SMG6: variants seen among roughly 807,000 people sequenced by gnomAD.
SMG6 encodes the protein telomerase-binding protein EST1A.
A neutral mutation model predicts 142.2 loss-of-function variants in SMG6; 66 were observed. That is an observed-to-expected ratio of 0.46 (90% CI 0.38 to 0.57). The LOEUF (loss-of-function observed/expected upper bound fraction) is 0.57, where lower values mean the gene tolerates loss of function less well. Among genes scored for constraint, SMG6 ranks in the 20% least tolerant of loss-of-function variants. SMG6 has a pLI of 0.00. For missense variants in SMG6, 1,793 were observed against 1,832.0 expected (o/e 0.98, Z 0.39); for synonymous variants, 779 against 702.4 (o/e 1.11, Z -1.72).
chr17:2,183,745 GACAC>G (rs56210030), intron 12 of SMG6, among the ~76,000 whole-genome samples: 8,079 of 146,234 alleles, frequency 0.055, 249 homozygotes, highest in South Asian at 0.07. Context: ...AGGTGCGTGC[GACAC>G]ACACACACAC....
rs2071547314 is a variant in SMG6, at chr17:2,172,855, C to A, written c.3160G>T (p.Ala1054Ser). The change falls in exon 13 of 19, where the codon GCT becomes TCT. Residue 1054 changes from alanine to serine, a missense_variant. Around this residue, in one of 3 missense-constraint regions of SMG6, gnomAD observed 1,597 missense variants for 1,584.6 expected, o/e 1.01. Coordinates refer to ENST00000263073, the MANE Select transcript of SMG6 (RefSeq NM_017575.5). ...PTSLDLPSHVAVDVWSTLADF... is the reference protein window; with the variant it reads ...PTSLDLPSHVSVDVWSTLADF... ...GCCAGCGTCGACCATACATCCACAG[C>A]AACACTGTGAGAAATAAGGTAAGAA... 3 of 1,613,912 alleles carry A rather than the reference C, an allele frequency of 1.9e-6. No homozygotes were observed. The highest frequency in any genetic ancestry group is 2.5e-6 in the Non-Finnish European group (3 of 1,179,806).
At chr17:2,107,807 C>T (rs2069195416) in intron 13 of SMG6, among the ~76,000 whole-genome samples, 1 of 152,116 alleles carries the variant, frequency 6.6e-6, no homozygotes, top group African/African-American at 2.4e-5. Flanking sequence ...CAGGGCCAAG[C>T]GGGGTGGGAC....
rs565154819 is a variant in SMG6 at position 2,257,778 on chromosome 17, G to T, written c.2662-13059C>A. Reference sequence around the variant, plus strand: ...TCATGCTTGTAATCCCAGCACTTTGGGGGGCTGGGCGGATCACGAGATCAA... The same window carrying T: ...TCATGCTTGTAATCCCAGCACTTTGTGGGGCTGGGCGGATCACGAGATCAA... On this transcript the variant is annotated intron_variant, in intron 8 of 18. Transcript: ENST00000263073. Among the ~76,000 whole-genome samples, 6 of 151,728 alleles carry T rather than the reference G, an allele frequency of 4.0e-5. No individual in the cohort carries two copies. The East Asian group carries it at 7.7e-4, about 20-fold the overall frequency.
chr17:2,210,767 A>T lies in SMG6; in HGVS notation c.2870-22252T>A, dbSNP rs887624222. ...AACAAAGGCAAAAGCTTTAAAAAAA[A>T]ATAAAATAAAAAAAAAAGCAAGCTA... On this transcript the variant is annotated intron_variant, in intron 10 of 18. Transcript: ENST00000263073. Among the ~76,000 whole-genome samples, 25 of 150,330 alleles carry T rather than the reference A, an allele frequency of 1.7e-4. 1 individual carries two copies. Among genetic ancestry groups the T allele is most frequent in the African/African-American group, 5.7e-4 (23 of 40,688 alleles).
chr17:2,262,668 T>G (rs995056301), intron 8 of SMG6, among the ~76,000 whole-genome samples: 1 of 152,274 alleles, frequency 6.6e-6, no homozygotes, highest in Non-Finnish European at 1.5e-5. Context: ...TAATCTCTTT[T>G]ACCTCTGTCC....
chr17:2,275,812 T>C (rs1208480469), intron 8 of SMG6, among the ~76,000 whole-genome samples: 1 of 152,164 alleles, frequency 6.6e-6, no homozygotes, highest in Admixed American at 6.6e-5. Context: ...CTCAATAGGA[T>C]GCTACTTGCA....
intron 15 of SMG6, among the ~76,000 whole-genome samples, chr17:2,080,753 A>G (rs2068397091): frequency 6.6e-6 from 1 of 151,332 alleles, no homozygotes; most frequent in Non-Finnish European, 1.5e-5. Flanking sequence ...CTCTTGCCTC[A>G]GCCTCCTGAG....
chr17:2,095,768 G>A (rs1334537260), intron 13 of SMG6, among the ~76,000 whole-genome samples: 1 of 152,214 alleles, frequency 6.6e-6, no homozygotes, highest in Admixed American at 6.5e-5. Context: ...TCCCGAGGAA[G>A]TCGGGATGGA....
At chr17:2,172,378 A>G (rs2071531548) in intron 13 of SMG6, among the ~76,000 whole-genome samples, 1 of 152,062 alleles carries the variant, frequency 6.6e-6, no homozygotes, top group South Asian at 2.1e-4. Context: ...GCTGAGTGAG[A>G]GCACTGCCAA....
intron 5 of SMG6, 107 bp from the exon 6 acceptor site, chr17:2,292,737 C>A (rs536903424): frequency 1.2e-5 from 18 of 1,472,554 alleles, no homozygotes; most frequent in Non-Finnish European, 9.5e-6. Context: ...TTAGATGTAA[C>A]CCTGGAGGGG....
intron 7 of SMG6, 87 bp downstream of exon 7, chr17:2,283,538 C>A (rs1316062368): frequency 4.7e-5 from 50 of 1,057,808 alleles, no homozygotes; most frequent in Non-Finnish European, 6.5e-5. Flanking sequence ...TGGCTACGAT[C>A]CTGCCGGTGC....
At chr17:2,108,138 G>A (rs1327648777) in intron 13 of SMG6, among the ~76,000 whole-genome samples, 2 of 151,960 alleles carry the variant, frequency 1.3e-5, no homozygotes, top group Non-Finnish European at 2.9e-5. Context: ...GGTAGAAAAC[G>A]GAAATGAAGG....
intron 14 of SMG6, among the ~76,000 whole-genome samples, chr17:2,083,151 A>G (rs2068469233): frequency 6.6e-6 from 1 of 152,216 alleles, no homozygotes; most frequent in Non-Finnish European, 1.5e-5. Flanking sequence ...AATCCAGACC[A>G]GAAGCTCAGA....
intron 4 of SMG6, among the ~76,000 whole-genome samples, chr17:2,294,681 C>T (rs778581687): frequency 2.6e-5 from 4 of 152,186 alleles, no homozygotes; most frequent in African/African-American, 4.8e-5. Context: ...TTCTTTAAAA[C>T]TAGGTTAACC....
intron 1 of SMG6, 118 bp from the exon 2 acceptor site, chr17:2,300,782 T>C: frequency 3.4e-6 from 3 of 892,136 alleles, no homozygotes; most frequent in South Asian, 3.7e-5. Context: ...AAGAATTACA[T>C]ATCCAAATGC....
At chr17:2,130,756 A>AC (rs2070094620) in intron 13 of SMG6, among the ~76,000 whole-genome samples, 1 of 151,942 alleles carries the variant, frequency 6.6e-6, no homozygotes, top group Non-Finnish European at 1.5e-5. Context: ...TTAAAAAAAA[A>AC]AAAACATCAA....
At chr17:2,303,055 G>A (rs2075320196) in intron 1 of SMG6, 1 of 985,382 alleles carries the variant, frequency 1.0e-6, no homozygotes, top group Non-Finnish European at 1.2e-6. Flanking sequence ...CTTGCAAATT[G>A]AGCATTCTCT....
At chr17:2,106,801 C>A (rs576353789) in intron 13 of SMG6, among the ~76,000 whole-genome samples, 1 of 151,078 alleles carries the variant, frequency 6.6e-6, no homozygotes, top group South Asian at 2.1e-4. Context: ...GAAAGAAATT[C>A]TGGGATCTTC....
chr17:2,150,506 T>C (rs553151542), intron 13 of SMG6, among the ~76,000 whole-genome samples: 1 of 152,076 alleles, frequency 6.6e-6, no homozygotes, highest in Admixed American at 6.6e-5. Flanking sequence ...GGTGGTTATG[T>C]CTTCCTGGCC....
Sources: allele counts gnomAD v4.1 joint callset (sites outside exome capture counted in the v4.1 genomes callset), GRCh38; gene constraint gnomAD v4.1.1; regional missense constraint gnomAD v4.1.1; transcripts MANE v1.5; gene names NCBI Gene and HGNC (gene_info 2026-07-23, HGNC 2026-07-21).